Variants in SQSTM1 observed in about 807,000 individuals in gnomAD.
The protein encoded by SQSTM1 is sequestosome-1.
Under a neutral mutation model 45.1 loss-of-function variants are expected in SQSTM1, and 36 were observed. That is an observed-to-expected ratio of 0.80 (90% CI 0.61 to 1.05). SQSTM1 has a LOEUF of 1.05. Ranked by LOEUF, SQSTM1 falls within the 50% of genes least tolerant of loss-of-function variation. The pLI, the probability that SQSTM1 is intolerant of heterozygous loss-of-function variation, is 0.00. For synonymous variants in SQSTM1, 290 were observed against 244.3 expected (o/e 1.19, Z -1.74); for missense variants, 617 against 607.1 (o/e 1.02, Z -0.17).
At chr5:179,832,958 A>ACAG in intron 5 of SQSTM1, 74 bp from the exon 6 acceptor site, 1 of 1,491,946 alleles carries the variant, frequency 6.7e-7, no homozygotes, top group Non-Finnish European at 9.3e-7. Context: ...TGTAGTCTCC[A>ACAG]CAGGCCAAGC....
At chr5:179,822,318 T>G (rs1230302649) in intron 1 of SQSTM1, among the ~76,000 whole-genome samples, 1 of 152,236 alleles carries the variant, frequency 6.6e-6, no homozygotes, top group Admixed American at 6.5e-5. Context: ...TTTGTTTACC[T>G]GTTCATTAGT....
Position 179,833,101 on chromosome 5 carries a change from G to A in SQSTM1, c.824G>A (p.Ser275Asn), listed in dbSNP as rs201923000. The change falls in exon 6 of 8, where the codon AGT (serine) becomes AAT (asparagine). Residue 275 changes from serine (S) to asparagine (N), a missense_variant. Ser to Asn is a conservative substitution (Grantham distance 46). Coordinates refer to ENST00000389805, the MANE Select transcript of SQSTM1 (RefSeq NM_003900.5). ...CGCCTGACCCCCGTCTCTCCAGAGA[G>A]TTCCAGCACAGAGGAGAAGAGCAGC... ...RSRLTPVSPE[S>N]SSTEEKSSSQ... 7.1e-5 allele frequency: 115 copies of A among 1,614,244 alleles called. No individual in the cohort carries two copies. The highest frequency in any genetic ancestry group is 3.3e-4 in the Middle Eastern group (2 of 6,062).
In SQSTM1 at chr5:179,836,780, T is replaced by C. The variant is rs1758582404; in HGVS notation, c.*187T>C. ...AAGGGAGGGTCCCTGTGTGTGTGTG[T>C]GCTGATGTTTCCTGGGTGCCCTGGC... On this transcript the variant is annotated 3_prime_UTR_variant, in exon 8 of 8. Coordinates refer to ENST00000389805, the MANE Select transcript of SQSTM1 (RefSeq NM_003900.5). The C allele has an allele frequency of 4.6e-6, 4 of 876,520 alleles. No individual in the cohort carries two copies. The highest frequency in any genetic ancestry group is 7.3e-6 in the Non-Finnish European group (4 of 551,172). 54.3% of individuals were successfully genotyped at this position (876,520 alleles called of 1,614,324 possible).
chr5:179,825,073 A>T, intron 4 of SQSTM1, 73 bp from the exon 5 acceptor site: 2 of 1,495,950 alleles, frequency 1.3e-6, no homozygotes. Flanking sequence ...GACCTTGGCA[A>T]GAAGGTGACA....
chr5:179,822,754 G>A (rs1757830457), intron 1 of SQSTM1: 2 of 647,186 alleles, frequency 3.1e-6, no homozygotes, highest in African/African-American at 1.8e-5. Context: ...GTGGTCCAGG[G>A]CCCAGGTCGG....
At chr5:179,831,319 G>C (rs1273972986) in intron 5 of SQSTM1, among the ~76,000 whole-genome samples, 2 of 152,160 alleles carry the variant, frequency 1.3e-5, no homozygotes, top group South Asian at 2.1e-4. Flanking sequence ...CACCCTTGTA[G>C]AAAACTATGG....
At position 179,837,846 on chromosome 5, in the gene SQSTM1, T is replaced by C. The variant is rs766549467; in HGVS notation, c.*1253T>C. ...GCAGAGTTCTCCTGGAGGCAGGGGCTGCTGCCTTGTTTCACCTTCCATGTC... is the reference window on the plus strand; with the variant it reads ...GCAGAGTTCTCCTGGAGGCAGGGGCCGCTGCCTTGTTTCACCTTCCATGTC... On this transcript the variant is annotated 3_prime_UTR_variant, in exon 8 of 8. Transcript: ENST00000389805. 4 of 1,610,968 alleles carry C rather than the reference T, an allele frequency of 2.5e-6. No homozygotes were observed. The highest frequency in any genetic ancestry group is 3.4e-6 in the Non-Finnish European group (4 of 1,179,952).
Position 179,811,009 on chromosome 5 carries a change from G to A in SQSTM1, c.-156-565G>A, listed in dbSNP as rs546190091. On this transcript the variant is annotated intron_variant, in intron 1 of 5. Transcript: ENST00000514093. ...TAAAGGGGTCCCGCTTTGGGAGGCC[G>A]AGACGGGCGGATCACGAGGTCAGGA... is the stretch of plus-strand genomic sequence containing the variant. Among the ~76,000 whole-genome samples, 478 of 152,246 alleles carry A rather than the reference G, an allele frequency of 3.1e-3. 7 individuals are homozygous for A. Among genetic ancestry groups the A allele is most frequent in the Non-Finnish European group, 5.2e-3 (352 of 68,006 alleles).
chr5:179,816,772 C>T (rs1019036764), upstream of SQSTM1, among the ~76,000 whole-genome samples: 1 of 150,024 alleles, frequency 6.7e-6, no homozygotes, highest in South Asian at 2.1e-4. Context: ...CTCCAGCCCC[C>T]CTCCCTACTC....
upstream of SQSTM1, among the ~76,000 whole-genome samples, chr5:179,819,241 C>T (rs1757677127): frequency 6.6e-6 from 1 of 152,200 alleles, no homozygotes; most frequent in Admixed American, 6.5e-5. Context: ...GCTGGGGCCG[C>T]AAGGCGTGCG....
At chr5:179,814,857 G>A (rs73351628), upstream of SQSTM1, among the ~76,000 whole-genome samples, 1,883 of 152,010 alleles carry the variant, frequency 0.012, 54 homozygotes, top group African/African-American at 0.043. Context: ...AGAAGATCAT[G>A]GTTGCCGTGA....
In SQSTM1 at chr5:179,837,873, G is replaced by C. The variant is rs371031967; in HGVS notation, c.*1280G>C. The C allele has an allele frequency of 1.2e-6, 2 of 1,605,614 alleles. No homozygotes were observed. Among genetic ancestry groups the C allele is most frequent in the Non-Finnish European group, 1.7e-6 (2 of 1,179,208 alleles). ...CTGCCTTGTTTCACCTTCCATGTCA[G>C]GCCAGCCTGTCCCTGAAAGAGAAGA... On this transcript the variant is annotated 3_prime_UTR_variant, in exon 8 of 8. Transcript: ENST00000389805.
intron 7 of SQSTM1, among the ~76,000 whole-genome samples, chr5:179,834,379 T>C (rs1758405863): frequency 6.6e-6 from 1 of 152,122 alleles, no homozygotes; most frequent in African/African-American, 2.4e-5. Flanking sequence ...TGGCGAGCTA[T>C]GGCCTATGGG....
intron 5 of SQSTM1, among the ~76,000 whole-genome samples, chr5:179,828,025 C>T (rs904572796): frequency 2.0e-5 from 3 of 152,192 alleles, no homozygotes; most frequent in East Asian, 3.9e-4. Context: ...CACAGGGCCC[C>T]TCCTGGTCGT....
chr5:179,832,176 A>G (rs1221670133), intron 5 of SQSTM1, among the ~76,000 whole-genome samples: 1 of 152,228 alleles, frequency 6.6e-6, no homozygotes, highest in Non-Finnish European at 1.5e-5. Context: ...CGCAGATGTG[A>G]ACTCCAGCAG....
intron 2 of SQSTM1, chr5:179,823,628 G>C (rs1016915351): frequency 1.7e-6 from 1 of 586,448 alleles, no homozygotes; most frequent in Non-Finnish European, 3.0e-6. Flanking sequence ...TGCAGACAGG[G>C]CTCCTTGCTG....
intron 1 of SQSTM1, among the ~76,000 whole-genome samples, chr5:179,809,123 C>G (rs1757312167): frequency 7.3e-6 from 1 of 137,788 alleles, no homozygotes; most frequent in African/African-American, 2.7e-5. Flanking sequence ...TCCCAAAATG[C>G]TGGGATTACA....
intron 1 of SQSTM1, 133 bp downstream of exon 1, chr5:179,821,274 T>G: frequency 1.1e-6 from 1 of 945,964 alleles, no homozygotes; most frequent in Non-Finnish European, 1.5e-6. Context: ...GCTCCCTGGA[T>G]GGCGGTGGCC....
In SQSTM1 at chr5:179,806,958, G is replaced by A. The variant is rs1757195236; in HGVS notation, c.-157+367G>A. The A allele has an allele frequency of 6.6e-6, 1 of 150,794 alleles. No individual in the cohort carries two copies. Among genetic ancestry groups the A allele is most frequent in the African/African-American group, 2.4e-5 (1 of 41,292 alleles). 9.3% of individuals were successfully genotyped at this position (150,794 alleles called of 1,614,324 possible). A position where few individuals can be genotyped will look rare whatever the true frequency, so the allele number is the denominator to read the frequency against. The stretch of plus-strand genomic sequence containing the variant: ...CGGCCCGGCCTGGATCTGGGGCCTG[G>A]ATCTGGGGCCGCCGCGGAGTCGACG... On this transcript the variant is annotated intron_variant, in intron 1 of 5. Coordinates refer to the SQSTM1 transcript ENST00000514093. The surrounding 1 kb of genome is among the most constrained non-coding windows in gnomAD (Gnocchi z 4.6).
Sources: gnomAD v4.1 joint callset for allele counts (sites outside exome capture counted in the v4.1 genomes callset) on GRCh38, gnomAD v4.1.1 for gene constraint, Gnocchi (gnomAD v3.1) non-coding constraint, MANE v1.5 for transcripts, NCBI Gene and HGNC (gene_info 2026-07-23, HGNC 2026-07-21) for gene names.